The following ARGLU1 variants were observed in gnomAD, a reference collection of about 807,000 sequenced individuals.
ARGLU1 encodes arginine and glutamate rich 1, also known as arginine and glutamate-rich protein 1.
A neutral mutation model predicts 37.6 loss-of-function variants in ARGLU1; 9 were observed. The ratio of observed to expected loss-of-function variants is 0.24; its 90% CI spans 0.14 to 0.42. ARGLU1 has a LOEUF of 0.42. Among genes scored for constraint, ARGLU1 ranks in the 10% least tolerant of loss-of-function variants. ARGLU1 has a pLI of 1.00. For missense variants in ARGLU1, 211 were observed against 359.2 expected (o/e 0.59, Z 3.34); for synonymous variants, 166 against 138.5 (o/e 1.20, Z -1.39).
At chr13:106,545,777 T>C (rs760984683) in intron 3 of ARGLU1, among the ~76,000 whole-genome samples, 16 of 152,062 alleles carry the variant, frequency 1.1e-4, no homozygotes, top group East Asian at 1.9e-4. Flanking sequence ...TCAAGTAAGG[T>C]TGGAGATAAC....
intron 3 of ARGLU1, among the ~76,000 whole-genome samples, chr13:106,551,608 T>C (rs1253321220): frequency 1.3e-5 from 2 of 152,106 alleles, no homozygotes; most frequent in Admixed American, 1.3e-4. Flanking sequence ...ACTAAACAGC[T>C]CAAAATAAAT....
At chr13:106,547,185 C>T (rs1429418766) in intron 3 of ARGLU1, among the ~76,000 whole-genome samples, 1 of 152,154 alleles carries the variant, frequency 6.6e-6, no homozygotes, top group Non-Finnish European at 1.5e-5. Flanking sequence ...TCTTAGGCTT[C>T]CCGGCTTCCA....
At chr13:106,554,646 G>C (rs1455346384) in intron 3 of ARGLU1, among the ~76,000 whole-genome samples, 8 of 152,064 alleles carry the variant, frequency 5.3e-5, no homozygotes, top group Admixed American at 4.6e-4. Flanking sequence ...CAGCACTTTG[G>C]GAGGACGGTG....
chr13:106,564,005 G>A (rs1051819508), intron 1 of ARGLU1, among the ~76,000 whole-genome samples: 55 of 152,314 alleles, frequency 3.6e-4, no homozygotes, highest in African/African-American at 1.3e-3. Flanking sequence ...CATGCATGCA[G>A]CATCTCAAAA....
intron 3 of ARGLU1, among the ~76,000 whole-genome samples, chr13:106,551,753 G>A (rs1168125122): frequency 6.6e-6 from 1 of 152,106 alleles, no homozygotes; most frequent in Non-Finnish European, 1.5e-5. Flanking sequence ...GTGGCTGCGA[G>A]GATTCCTTGG....
chr13:106,544,711 AC>A, intron 3 of ARGLU1, among the ~76,000 whole-genome samples: 1 of 152,214 alleles, frequency 6.6e-6, no homozygotes, highest in East Asian at 1.9e-4. Context: ...ACACAAAAAA[AC>A]AGAAACATAG....
chr13:106,543,671 T>C lies in ARGLU1; in HGVS notation c.*325A>G, dbSNP rs1178035600. On this transcript the variant is annotated 3_prime_UTR_variant, in exon 4 of 4. Coordinates refer to ENST00000400198, the MANE Select transcript of ARGLU1 (RefSeq NM_018011.4). The stretch of plus-strand genomic sequence containing the variant: ...TAGCAAACAGAGTATAACTCTGAAG[T>C]CAGTGGGGTCAGTAAAAGCCTTATC... The C allele has an allele frequency of 1.6e-5, 3 of 183,162 alleles. No individual in the cohort carries two copies. The highest frequency in any genetic ancestry group is 3.4e-5 in the Non-Finnish European group (3 of 89,244). 11.3% of individuals were successfully genotyped at this position (183,162 alleles called of 1,614,324 possible). A position where few individuals can be genotyped will look rare whatever the true frequency, so the allele number is the denominator to read the frequency against.
chr13:106,559,720 A>G, intron 1 of ARGLU1, 63 bp from the exon 2 acceptor site: 1 of 1,513,320 alleles, frequency 6.6e-7, no homozygotes. Flanking sequence ...ATTTAAACAA[A>G]ACTAGTTTTA....
In ARGLU1 at chr13:106,546,173, C is replaced by T. The variant is rs972478003; in HGVS notation, c.658-2013G>A. 2.6e-5 allele frequency among the ~76,000 whole-genome samples: 4 copies of T among 152,144 alleles called. No homozygotes were observed. The South Asian group carries it at 8.3e-4, about 31-fold the overall frequency. Reference sequence around the variant, plus strand: ...AGTTTAGGGCCACATATCTTTTGTACATCTAAAATGGTGCCCGTTTCCAGT... The same window carrying T: ...AGTTTAGGGCCACATATCTTTTGTATATCTAAAATGGTGCCCGTTTCCAGT... On this transcript the variant is annotated intron_variant, in intron 3 of 3. Transcript: ENST00000400198.
chr13:106,566,467 C>A (rs1880966442), intron 1 of ARGLU1, among the ~76,000 whole-genome samples: 1 of 152,170 alleles, frequency 6.6e-6, no homozygotes, highest in East Asian at 1.9e-4. Context: ...TCTAAATATT[C>A]ACTGAAGAAC....
chr13:106,544,922 C>T (rs1477254864), intron 3 of ARGLU1, among the ~76,000 whole-genome samples: 5 of 152,258 alleles, frequency 3.3e-5, no homozygotes, highest in African/African-American at 1.2e-4. Flanking sequence ...TCCACTCCTG[C>T]AGTGCCTTCA....
intron 3 of ARGLU1, among the ~76,000 whole-genome samples, chr13:106,551,537 C>A (rs1880530590): frequency 6.6e-6 from 1 of 152,170 alleles, no homozygotes; most frequent in South Asian, 2.1e-4. Flanking sequence ...AAAACTGGAG[C>A]CTCTACCCAC....
At chr13:106,544,723 G>GA (rs1290307033) in intron 3 of ARGLU1, among the ~76,000 whole-genome samples, 2 of 152,002 alleles carry the variant, frequency 1.3e-5, no homozygotes, top group African/African-American at 2.4e-5. Flanking sequence ...AGAAACATAG[G>GA]AAAAAATCTC....
Position 106,557,298 on chromosome 13 carries a change from T to C in ARGLU1, c.574-167A>G. ...CTGTGCAGTCACTAAAATTGGTTTC[T>C]AGCACTAAATTTAAATCATCCCTCC... On this transcript the variant is annotated intron_variant, in intron 2 of 3. Coordinates refer to ENST00000400198, the MANE Select transcript of ARGLU1 (RefSeq NM_018011.4). The surrounding 1 kb of genome is among the most constrained non-coding windows in gnomAD (Gnocchi z 5.0). 1 of 702,532 alleles carries C rather than the reference T, an allele frequency of 1.4e-6. No homozygotes were observed. Among genetic ancestry groups the C allele is most frequent in the Non-Finnish European group, 2.3e-6 (1 of 440,984 alleles). 43.5% of individuals were successfully genotyped at this position (702,532 alleles called of 1,614,324 possible). A position where few individuals can be genotyped will look rare whatever the true frequency, so the allele number is the denominator to read the frequency against.
intron 3 of ARGLU1, among the ~76,000 whole-genome samples, chr13:106,555,841 C>G (rs1004218633): frequency 2.0e-5 from 3 of 152,206 alleles, no homozygotes; most frequent in Non-Finnish European, 4.4e-5. Context: ...GAACCCACCA[C>G]AGCTATCCAA....
At chr13:106,555,259 A>G (rs1880632976) in intron 3 of ARGLU1, among the ~76,000 whole-genome samples, 1 of 152,174 alleles carries the variant, frequency 6.6e-6, no homozygotes, top group Admixed American at 6.5e-5. Context: ...CGGGAGGCTG[A>G]GGCAGGAGAA....
rs533129113 is a variant in ARGLU1, at chr13:106,568,103, C to G, written c.-184G>C. 5 of 924,376 alleles carry G rather than the reference C, an allele frequency of 5.4e-6. No individual in the cohort carries two copies. In the African/African-American group the frequency reaches 8.8e-5, roughly 16 times the overall value. The allele number at this position is 924,376 out of a possible 1,614,324, so 57.3% of individuals were successfully genotyped here. A position where few individuals can be genotyped will look rare whatever the true frequency, so the allele number is the denominator to read the frequency against. ...CACGAAGGCCGCCTCCAACGAGAAA[C>G]CCGTAGCGCCAGGCGCCCCTAAGAT... On this transcript the variant is annotated 5_prime_UTR_variant, in exon 1 of 4. Transcript: ENST00000400198.
At chr13:106,564,093 G>A (rs545422786) in intron 1 of ARGLU1, among the ~76,000 whole-genome samples, 24 of 152,314 alleles carry the variant, frequency 1.6e-4, no homozygotes, top group South Asian at 6.2e-4. Context: ...ACGCAAGGAT[G>A]AGAGGAAGAT....
Position 106,557,593 on chromosome 13 carries a change from G to A in ARGLU1, c.574-462C>T. 4 of 1,607,700 alleles carry A rather than the reference G, an allele frequency of 2.5e-6. No individual in the cohort carries two copies. Among genetic ancestry groups the A allele is most frequent in the Admixed American group, 1.7e-5 (1 of 59,456 alleles). On this transcript the variant is annotated intron_variant, in intron 2 of 3. Transcript: ENST00000400198. The surrounding 1 kb of genome is among the most constrained non-coding windows in gnomAD (Gnocchi z 5.0). ...CAGTGTCCTGCAGAGTGTGCTCCTC[G>A]GCTGCCATACGCGCCAGCTTCCTCT...
Sources: allele counts gnomAD v4.1 joint callset (sites outside exome capture counted in the v4.1 genomes callset), GRCh38; gene constraint gnomAD v4.1.1; non-coding constraint Gnocchi (gnomAD v3.1); transcripts MANE v1.5; gene names NCBI Gene and HGNC (gene_info 2026-07-23, HGNC 2026-07-21).